The following JCAD variants were observed in gnomAD, a reference collection of about 807,000 sequenced individuals.
The protein encoded by JCAD is junctional cadherin 5-associated protein.
Under a neutral mutation model 98.0 loss-of-function variants are expected in JCAD, and 40 were observed. The observed-to-expected ratio is 0.41, with a 90% CI of 0.32 to 0.53. The LOEUF (loss-of-function observed/expected upper bound fraction) is 0.53, where lower values mean the gene tolerates loss of function less well. JCAD is among the 20% of genes least tolerant of loss of function. The pLI, the probability that JCAD is intolerant of heterozygous loss-of-function variation, is 0.31. For synonymous variants in JCAD, 691 were observed against 682.3 expected (o/e 1.01, Z -0.20); for missense variants, 1,705 against 1,738.1 (o/e 0.98, Z 0.34).
intron 2 of JCAD, among the ~76,000 whole-genome samples, chr10:30,042,051 G>A (rs1373611605): frequency 2.6e-5 from 4 of 152,200 alleles, no homozygotes; most frequent in South Asian, 2.1e-4. Flanking sequence ...CCTGGACCAC[G>A]TCAGTGCCTT....
chr10:30,030,796 T>A (rs1253100284), intron 2 of JCAD, among the ~76,000 whole-genome samples: 2 of 151,922 alleles, frequency 1.3e-5, no homozygotes, highest in Non-Finnish European at 2.9e-5. Context: ...TGCTGGTGGT[T>A]GTTCACCCTG....
At chr10:30,097,940 T>C (rs760123847) in intron 1 of JCAD, among the ~76,000 whole-genome samples, 6 of 151,324 alleles carry the variant, frequency 4.0e-5, no homozygotes, top group Non-Finnish European at 7.4e-5. Flanking sequence ...ACGTCAAGAG[T>C]TCAACCACAG....
chr10:30,096,834 G>C (rs1241665484), intron 1 of JCAD, among the ~76,000 whole-genome samples: 1 of 152,164 alleles, frequency 6.6e-6, no homozygotes, highest in Non-Finnish European at 1.5e-5. Flanking sequence ...AAATTTTCCA[G>C]TGAGCAAATG....
intron 1 of JCAD, among the ~76,000 whole-genome samples, chr10:30,052,843 TAAC>T (rs1837496940): frequency 1.3e-5 from 2 of 152,220 alleles, no homozygotes; most frequent in Admixed American, 6.5e-5. Context: ...GAATGCCATT[TAAC>T]AGGTACCATC....
chr10:30,113,910 A>G (rs1431485914), intron 1 of JCAD, among the ~76,000 whole-genome samples: 5 of 152,206 alleles, frequency 3.3e-5, no homozygotes, highest in East Asian at 1.9e-4. Context: ...GGATCTTGCT[A>G]TGTTGCCCAG....
intron 3 of JCAD, among the ~76,000 whole-genome samples, chr10:30,019,550 T>C (rs1279919209): frequency 4.7e-5 from 2 of 42,556 alleles, no homozygotes; most frequent in African/African-American, 1.8e-4. Flanking sequence ...GTGGAATCAT[T>C]TAAAAAAAAA....
chr10:30,014,075 A>G lies in JCAD; in HGVS notation c.*3808T>C, dbSNP rs1405193252. On this transcript the variant is annotated 3_prime_UTR_variant, in exon 4 of 4. Coordinates refer to ENST00000375377, the MANE Select transcript of JCAD (RefSeq NM_020848.4). ...GTTATTTTATCATCTCCCCCTTCTT[A>G]GTGTGGTGGGTCCCAGAGTGGACCA... is the stretch of plus-strand genomic sequence containing the variant. The G allele has an allele frequency of 2.0e-5, 3 of 152,060 alleles. No homozygotes were observed. Among genetic ancestry groups the G allele is most frequent in the African/African-American group, 7.2e-5 (3 of 41,396 alleles). The allele number at this position is 152,060 out of a possible 1,614,324, so 9.4% of individuals were successfully genotyped here.
Position 30,028,588 on chromosome 10 carries a change from A to G in JCAD, c.1560T>C (p.Cys520=). 6.2e-7 allele frequency: 1 copy of G among 1,614,054 alleles called. No homozygotes were observed. Among genetic ancestry groups the G allele is most frequent in the Non-Finnish European group, 8.5e-7 (1 of 1,179,968 alleles). Residue 520 remains cysteine (C), a synonymous_variant, in exon 3 of 4, where the codon TGT becomes TGC. Transcript: ENST00000375377. The stretch of plus-strand genomic sequence containing the variant: ...CATCAGGCCACTGTCCCCTTGCCAC[A>G]CAGCGGTCTCTCTGGTTGGGGAGGC... The part of the protein sequence containing the change: ...NSGLPNQRDR[C]VARGQWPDVR...
rs1022289679 is a variant in JCAD, at chr10:30,017,072, G to A, written c.*811C>T. Reference sequence around the variant, plus strand: ...TACATCATAGAAAAATAGCATTTTCGTAAAAAGAAATATAGTCACTTTGTT... The same window carrying A: ...TACATCATAGAAAAATAGCATTTTCATAAAAAGAAATATAGTCACTTTGTT... On this transcript the variant is annotated 3_prime_UTR_variant, in exon 4 of 4. Transcript: ENST00000375377. 22 of 151,954 alleles carry A rather than the reference G, an allele frequency of 1.4e-4. No individual in the cohort carries two copies. Among genetic ancestry groups the A allele is most frequent in the Admixed American group, 8.5e-4 (13 of 15,258 alleles). The allele number at this position is 151,954 out of a possible 1,614,324, so 9.4% of individuals were successfully genotyped here.
intron 1 of JCAD, among the ~76,000 whole-genome samples, chr10:30,078,990 G>C (rs1838028312): frequency 6.6e-6 from 1 of 152,134 alleles, no homozygotes; most frequent in African/African-American, 2.4e-5. Flanking sequence ...CATAAATCTG[G>C]CTCTAGGCTC....
intron 3 of JCAD, among the ~76,000 whole-genome samples, chr10:30,021,870 T>C (rs1229369741): frequency 6.6e-6 from 1 of 152,206 alleles, no homozygotes; most frequent in African/African-American, 2.4e-5. Context: ...TGGTGGGTAT[T>C]TCACACATTA....
At chr10:30,111,777 A>G (rs1428729181) in intron 1 of JCAD, among the ~76,000 whole-genome samples, 1 of 152,220 alleles carries the variant, frequency 6.6e-6, no homozygotes, top group Non-Finnish European at 1.5e-5. Flanking sequence ...CTTCACACCC[A>G]GTAGGATGGC....
intron 3 of JCAD, among the ~76,000 whole-genome samples, chr10:30,020,028 G>T (rs1836626212): frequency 6.6e-6 from 1 of 150,676 alleles, no homozygotes. Flanking sequence ...TATCTGAAAA[G>T]TTAGAAAAAC....
At chr10:30,085,122 C>A (rs530601367) in intron 1 of JCAD, among the ~76,000 whole-genome samples, 1 of 152,132 alleles carries the variant, frequency 6.6e-6, no homozygotes, top group South Asian at 2.1e-4. Flanking sequence ...TTGTTTTAAT[C>A]TTTTGGTTTC....
At chr10:30,058,853 C>T (rs890412976) in intron 1 of JCAD, among the ~76,000 whole-genome samples, 3 of 152,168 alleles carry the variant, frequency 2.0e-5, no homozygotes, top group East Asian at 3.9e-4. Context: ...GCCCCGGGCA[C>T]TCGCTGGGAG....
chr10:30,018,488 C>T (rs1202949164), intron 3 of JCAD, among the ~76,000 whole-genome samples: 5 of 152,230 alleles, frequency 3.3e-5, no homozygotes, highest in East Asian at 1.9e-4. Flanking sequence ...CACCTGTCAG[C>T]GCAAGGCTTC....
At chr10:30,050,036 C>A (rs1306162161) in intron 1 of JCAD, among the ~76,000 whole-genome samples, 1 of 152,002 alleles carries the variant, frequency 6.6e-6, no homozygotes, top group Admixed American at 6.6e-5. Context: ...AGAAATGGGG[C>A]CAGGCACAGT....
chr10:30,104,844 G>A (rs1176965098), intron 1 of JCAD, among the ~76,000 whole-genome samples: 5 of 152,152 alleles, frequency 3.3e-5, no homozygotes, highest in African/African-American at 7.2e-5. Flanking sequence ...TAAACTTAGA[G>A]AAGAGAGAAG....
At chr10:30,063,659 T>C (rs1837738343), upstream of JCAD, among the ~76,000 whole-genome samples, 1 of 152,250 alleles carries the variant, frequency 6.6e-6, no homozygotes, top group African/African-American at 2.4e-5. Flanking sequence ...TACATATTTA[T>C]GGGGTACAGT....
Sources: allele counts gnomAD v4.1 joint callset (sites outside exome capture counted in the v4.1 genomes callset), GRCh38; gene constraint gnomAD v4.1.1; transcripts MANE v1.5; gene names NCBI Gene and HGNC (gene_info 2026-07-23, HGNC 2026-07-21).